Variants in PHACTR2 observed in about 807,000 individuals in gnomAD.
PHACTR2 encodes chromosome 6 open reading frame 56.
In PHACTR2, 30 loss-of-function variants were observed where a neutral mutation model predicts 76.0. That is an observed-to-expected ratio of 0.39 (90% CI 0.30 to 0.54). The LOEUF (loss-of-function observed/expected upper bound fraction) is 0.54. Among genes scored for constraint, PHACTR2 ranks in the 20% least tolerant of loss-of-function variants. The pLI, the probability that PHACTR2 is intolerant of heterozygous loss-of-function variation, is 0.61. For synonymous variants in PHACTR2, 292 were observed against 292.5 expected (o/e 1.00, Z 0.02); for missense variants, 696 against 781.1 (o/e 0.89, Z 1.30).
upstream of PHACTR2, among the ~76,000 whole-genome samples, chr6:143,603,454 T>C (rs1582692554): frequency 6.7e-6 from 1 of 148,702 alleles, no homozygotes; most frequent in South Asian, 2.1e-4. Context: ...CCAAGGACCA[T>C]GAATAAGGGA....
At chr6:143,560,882 G>GT (rs1554287501) in intron 1 of PHACTR2, among the ~76,000 whole-genome samples, 2 of 133,016 alleles carry the variant, frequency 1.5e-5, no homozygotes, top group Non-Finnish European at 3.2e-5. Flanking sequence ...AAAGCAGAGG[G>GT]GTGTGTGTGT....
rs554698347 is a variant in PHACTR2 at position 143,593,592 on chromosome 6, T to C, written c.217+56385T>C. Among the ~76,000 whole-genome samples the C allele has an allele frequency of 1.9e-4, 29 of 152,340 alleles. No individual in the cohort carries two copies. In the East Asian group the frequency reaches 5.4e-3, roughly 28 times the overall value. On this transcript the variant is annotated intron_variant, in intron 1 of 11. Transcript: ENST00000367584. ...TGATAGAAACTTTGGTTAAGCAATT[T>C]AAGTAAAACCTAATTTTATCTATAG... is the stretch of plus-strand genomic sequence containing the variant.
At chr6:143,721,653 G>GTC (rs1190230524) in intron 2 of PHACTR2, among the ~76,000 whole-genome samples, 2 of 151,338 alleles carry the variant, frequency 1.3e-5, no homozygotes, top group Non-Finnish European at 1.5e-5. Context: ...GTGTGTGTGT[G>GTC]TGTCTGTGTG....
chr6:143,677,985 C>G lies in PHACTR2; in HGVS notation c.-179C>G. On this transcript the variant is annotated 5_prime_UTR_variant, in exon 1 of 13. Coordinates refer to ENST00000440869, the MANE Select transcript of PHACTR2 (RefSeq NM_001100164.2). The stretch of plus-strand genomic sequence containing the variant: ...CAGGCATCCGCTGGGCAGGATCCGC[C>G]GCGCCGGCTGCGGCCGGCCGGGCTG... 7.0e-7 allele frequency: 1 copy of G among 1,436,818 alleles called. No individual in the cohort carries two copies. The highest frequency in any genetic ancestry group is 9.2e-7 in the Non-Finnish European group (1 of 1,092,492). The allele number at this position is 1,436,818 out of a possible 1,614,324, so 89.0% of individuals were successfully genotyped here. A position where few individuals can be genotyped will look rare whatever the true frequency, so the allele number is the denominator to read the frequency against.
chr6:143,586,011 G>T (rs1404649134), intron 1 of PHACTR2, among the ~76,000 whole-genome samples: 1 of 152,148 alleles, frequency 6.6e-6, no homozygotes, highest in East Asian at 1.9e-4. Flanking sequence ...AAATGGAAGA[G>T]AAGTTTTTAT....
rs1378060254 is a variant in PHACTR2, at chr6:143,794,132, T to C, written c.1845+5222T>C. ...AAAAATACCATTTACTACCTAACAC[T>C]GAAAAAAATTGTTCCCTCTAGTTGT... On this transcript the variant is annotated intron_variant, in intron 11 of 12. Coordinates refer to ENST00000440869, the MANE Select transcript of PHACTR2 (RefSeq NM_001100164.2). The surrounding 1 kb of genome is among the most constrained non-coding windows in gnomAD (Gnocchi z 4.1). Among the ~76,000 whole-genome samples, 1 of 151,768 alleles carries C rather than the reference T, an allele frequency of 6.6e-6. No individual in the cohort carries two copies. Among genetic ancestry groups the C allele is most frequent in the African/African-American group, 2.4e-5 (1 of 41,414 alleles).
rs1775759571 is a variant in PHACTR2, at chr6:143,596,681, T to C, written c.217+59474T>C. The stretch of plus-strand genomic sequence containing the variant: ...TAGTGAGACCCCATTTTACTAAAAA[T>C]AAAAAAGTTAGCTGGCTGTGGTGGT... On this transcript the variant is annotated intron_variant, in intron 1 of 11. Transcript: ENST00000367584. The surrounding 1 kb of genome is among the most constrained non-coding windows in gnomAD (Gnocchi z 4.6). 6.6e-6 allele frequency among the ~76,000 whole-genome samples: 1 copy of C among 151,790 alleles called. No individual in the cohort carries two copies. Among genetic ancestry groups the C allele is most frequent in the Non-Finnish European group, 1.5e-5 (1 of 67,928 alleles).
At position 143,613,267 on chromosome 6, in the gene PHACTR2, G is replaced by A. The variant is rs187072608; in HGVS notation, c.13+4945G>A. On this transcript the variant is annotated intron_variant, in intron 1 of 11. Coordinates refer to the PHACTR2 transcript ENST00000305766. ...TGGGATTACAGGCGTGAGCCACCGC[G>A]CCCGGCCCATGTAAAGATATTTTTC... Among the ~76,000 whole-genome samples, 1,374 of 152,330 alleles carry A rather than the reference G, an allele frequency of 9.0e-3. 18 individuals carry two copies. The highest frequency in any genetic ancestry group is 0.029 in the African/African-American group (1,197 of 41,576).
chr6:143,813,594 G>T (rs1776230014), intron 12 of PHACTR2, among the ~76,000 whole-genome samples: 1 of 142,160 alleles, frequency 7.0e-6, no homozygotes, highest in Admixed American at 7.5e-5. Context: ...CTCCAGCCTG[G>T]GCAACAGAGC....
At chr6:143,701,528 T>G (rs1009913471) in intron 1 of PHACTR2, among the ~76,000 whole-genome samples, 2 of 152,208 alleles carry the variant, frequency 1.3e-5, no homozygotes, top group African/African-American at 2.4e-5. Context: ...GGGAGTTGAA[T>G]TGAGTTACTA....
intron 12 of PHACTR2, among the ~76,000 whole-genome samples, chr6:143,813,484 G>T (rs1776224891): frequency 6.6e-6 from 1 of 152,010 alleles, no homozygotes. Context: ...CTGGCGTGGT[G>T]GTGGGCGCCT....
intron 2 of PHACTR2, among the ~76,000 whole-genome samples, chr6:143,727,660 T>C (rs1018935964): frequency 5.9e-5 from 9 of 152,116 alleles, no homozygotes; most frequent in African/African-American, 2.2e-4. Flanking sequence ...CCATGCTAAC[T>C]GAAGTAAGAT....
rs541278665 is a variant in PHACTR2 at position 143,783,482 on chromosome 6, G to T, written c.1707+202G>T. 3.3e-5 allele frequency among the ~76,000 whole-genome samples: 5 copies of T among 152,284 alleles called. No homozygotes were observed. In the South Asian group the frequency reaches 1.0e-3, roughly 32 times the overall value. ...AAAAAATAAAAAAATTAGCCGGCAT[G>T]GTGGCACATGCCTGTAGTTCCAGCT... is the stretch of plus-strand genomic sequence containing the variant. On this transcript the variant is annotated intron_variant, in intron 10 of 12. Transcript: ENST00000440869. This position sits in a 1 kb window ranked among gnomAD's most constrained non-coding sequence, Gnocchi z 5.2.
chr6:143,746,211 T>C (rs1042745889), intron 2 of PHACTR2, among the ~76,000 whole-genome samples: 9 of 152,242 alleles, frequency 5.9e-5, no homozygotes, highest in African/African-American at 1.9e-4. Flanking sequence ...TTGAATTGTG[T>C]CCCTTATTTT....
In PHACTR2 at chr6:143,809,692, A is replaced by G. The variant is rs1408072450; in HGVS notation, c.1922+2559A>G. On this transcript the variant is annotated intron_variant, in intron 12 of 12. Transcript: ENST00000440869. The surrounding 1 kb of genome is among the most constrained non-coding windows in gnomAD (Gnocchi z 4.2). The stretch of plus-strand genomic sequence containing the variant: ...GATCCTTTTAGATGTTTTTCCATGC[A>G]TTTATAAATGTGTGTATGTGTGTAT... Among the ~76,000 whole-genome samples, 1 of 150,340 alleles carries G rather than the reference A, an allele frequency of 6.7e-6. No individual in the cohort carries two copies. The highest frequency in any genetic ancestry group is 1.5e-5 in the Non-Finnish European group (1 of 67,528).
Position 143,585,081 on chromosome 6 carries a change from A to C in PHACTR2, c.217+47874A>C, listed in dbSNP as rs1396483603. ...GGGGACACATGACTATTTAAGCAGC[A>C]ATTATGGAGTTGTTGACGGGCAGGA... On this transcript the variant is annotated intron_variant, in intron 1 of 11. Transcript: ENST00000367584. This position sits in a 1 kb window ranked among gnomAD's most constrained non-coding sequence, Gnocchi z 5.2. Among the ~76,000 whole-genome samples, 3 of 151,954 alleles carry C rather than the reference A, an allele frequency of 2.0e-5. No individual in the cohort carries two copies. The highest frequency in any genetic ancestry group is 4.4e-5 in the Non-Finnish European group (3 of 68,002).
chr6:143,542,296 G>A lies in PHACTR2; in HGVS notation c.217+5089G>A, dbSNP rs960135137. Among the ~76,000 whole-genome samples the A allele has an allele frequency of 2.6e-5, 4 of 152,130 alleles. No individual in the cohort carries two copies. In the East Asian group the frequency reaches 5.8e-4, roughly 22 times the overall value. The stretch of plus-strand genomic sequence containing the variant: ...TTCTCATCTACCCAGGAGCCTGACC[G>A]CCGGTCAGGCTTCATTCCAGAAGGG... On this transcript the variant is annotated intron_variant, in intron 1 of 11. Coordinates refer to the PHACTR2 transcript ENST00000367584.
rs1778901737 is a variant in PHACTR2 at position 143,739,846 on chromosome 6, C to A, written c.215-9139C>A. On this transcript the variant is annotated intron_variant, in intron 2 of 12. Transcript: ENST00000440869. This position sits in a 1 kb window ranked among gnomAD's most constrained non-coding sequence, Gnocchi z 4.3. ...GCAGGTCTAAGACAATCACCTCTTC[C>A]CTCCTCCCACCTCGGTCTTATCTGT... Among the ~76,000 whole-genome samples the A allele has an allele frequency of 6.6e-6, 1 of 152,132 alleles. No individual in the cohort carries two copies. Among genetic ancestry groups the A allele is most frequent in the African/African-American group, 2.4e-5 (1 of 41,422 alleles).
chr6:143,779,566 T>G (rs1454977328), intron 9 of PHACTR2, among the ~76,000 whole-genome samples: 1 of 152,230 alleles, frequency 6.6e-6, no homozygotes, highest in East Asian at 1.9e-4. Flanking sequence ...GCCAGGCTGG[T>G]CTCGAACTCC....
Sources: gnomAD v4.1 joint callset for allele counts (sites outside exome capture counted in the v4.1 genomes callset) on GRCh38, gnomAD v4.1.1 for gene constraint, Gnocchi (gnomAD v3.1) non-coding constraint, MANE v1.5 for transcripts, NCBI Gene and HGNC (gene_info 2026-07-23, HGNC 2026-07-21) for gene names.